TRHDE: variants seen among roughly 807,000 people sequenced by gnomAD.
TRHDE encodes the protein thyrotropin-releasing hormone-degrading ectoenzyme.
Under a neutral mutation model 125.7 loss-of-function variants are expected in TRHDE, and 72 were observed. The observed-to-expected ratio is 0.57, with a 90% CI of 0.47 to 0.70. The LOEUF (loss-of-function observed/expected upper bound fraction) is 0.70, where lower values mean the gene tolerates loss of function less well. Among genes scored for constraint, TRHDE ranks in the 30% least tolerant of loss-of-function variants. The pLI, the probability that TRHDE is intolerant of heterozygous loss-of-function variation, is 0.00. For missense variants in TRHDE, 1,110 were observed against 1,327.1 expected (o/e 0.84, Z 2.54); for synonymous variants, 509 against 509.1 (o/e 1.00, Z 0.00).
At chr12:72,558,117 A>G (rs935190448) in intron 7 of TRHDE, among the ~76,000 whole-genome samples, 3 of 152,140 alleles carry the variant, frequency 2.0e-5, no homozygotes, top group African/African-American at 7.2e-5. Flanking sequence ...ATAGTGGTAA[A>G]CAAGACTGGC....
At chr12:72,469,729 C>A in intron 3 of TRHDE, 29 bp from the exon 4 acceptor site, 1 of 1,607,800 alleles carries the variant, frequency 6.2e-7, no homozygotes. Context: ...TTTGTTAAAG[C>A]CTTTGGAACT....
At chr12:72,529,007 A>G (rs1868407246) in intron 6 of TRHDE, among the ~76,000 whole-genome samples, 1 of 152,076 alleles carries the variant, frequency 6.6e-6, no homozygotes, top group Non-Finnish European at 1.5e-5. Context: ...TCATTGTTTA[A>G]AAGTTACCTC....
At chr12:72,578,742 A>G (rs1470297494) in intron 12 of TRHDE, among the ~76,000 whole-genome samples, 2 of 152,208 alleles carry the variant, frequency 1.3e-5, no homozygotes, top group African/African-American at 4.8e-5. Context: ...TATTAACTTT[A>G]TGCCACGACT....
chr12:72,145,615 T>A (rs2139317181), intron 2 of TRHDE, among the ~76,000 whole-genome samples: 1 of 152,294 alleles, frequency 6.6e-6, no homozygotes, highest in African/African-American at 2.4e-5. Flanking sequence ...TACCATCTTT[T>A]AAAAAAATTG....
intron 15 of TRHDE, among the ~76,000 whole-genome samples, chr12:72,646,774 T>C (rs1315846707): frequency 6.6e-6 from 1 of 151,984 alleles, no homozygotes; most frequent in African/African-American, 2.4e-5. Flanking sequence ...GTCAAACCAC[T>C]AGAAAGATAT....
intron 5 of TRHDE, among the ~76,000 whole-genome samples, chr12:72,473,917 A>G (rs1876766247): frequency 6.6e-6 from 1 of 152,088 alleles, no homozygotes; most frequent in South Asian, 2.1e-4. Context: ...AAGTGGTACT[A>G]TTAAATTAAG....
intron 7 of TRHDE, among the ~76,000 whole-genome samples, chr12:72,551,986 A>G (rs1869699033): frequency 6.6e-6 from 1 of 152,116 alleles, no homozygotes; most frequent in South Asian, 2.1e-4. Context: ...ACAAGAACTG[A>G]GCATGTTTTA....
At chr12:72,426,259 T>C (rs1183061206) in intron 3 of TRHDE, among the ~76,000 whole-genome samples, 1 of 152,154 alleles carries the variant, frequency 6.6e-6, no homozygotes, top group Non-Finnish European at 1.5e-5. Flanking sequence ...AAGATTGTTA[T>C]TGTATTTTAA....
chr12:72,238,572 T>G (rs181700535), intron 2 of TRHDE, among the ~76,000 whole-genome samples: 1 of 150,582 alleles, frequency 6.6e-6, no homozygotes, highest in Non-Finnish European at 1.5e-5. Context: ...GGCCCCGGTG[T>G]ATGATGTTCC....
chr12:72,297,311 A>C (rs1344757933), intron 2 of TRHDE, among the ~76,000 whole-genome samples: 1 of 152,200 alleles, frequency 6.6e-6, no homozygotes, highest in Non-Finnish European at 1.5e-5. Context: ...TAAAAGTAAA[A>C]TAAGAGTAGA....
chr12:72,372,229 C>T (rs192319377), intron 2 of TRHDE, among the ~76,000 whole-genome samples: 3,505 of 151,932 alleles, frequency 0.023, 139 homozygotes, highest in African/African-American at 0.08. Context: ...GCCCACTTTT[C>T]GATGGGGTTG....
chr12:72,320,625 A>G (rs1478067586), intron 2 of TRHDE, among the ~76,000 whole-genome samples: 1 of 151,602 alleles, frequency 6.6e-6, no homozygotes. Flanking sequence ...GTGAAATATA[A>G]AAATAAAAGC....
intron 17 of TRHDE, 29 bp downstream of exon 17, chr12:72,653,185 G>A (rs1189902623): frequency 1.3e-6 from 2 of 1,587,992 alleles, no homozygotes; most frequent in Non-Finnish European, 1.7e-6. Flanking sequence ...ACTTGAATGA[G>A]TAAATTAAAG....
chr12:72,606,293 C>T (rs1471874595), intron 12 of TRHDE, among the ~76,000 whole-genome samples: 6 of 151,890 alleles, frequency 4.0e-5, no homozygotes, highest in Non-Finnish European at 2.9e-5. Context: ...TTGGCAATTA[C>T]ACTACCATTT....
intron 6 of TRHDE, among the ~76,000 whole-genome samples, chr12:72,537,771 G>A (rs1351665326): frequency 6.6e-6 from 1 of 151,902 alleles, no homozygotes; most frequent in African/African-American, 2.4e-5. Context: ...TCCATCACTT[G>A]TTCAATATTT....
chr12:72,095,319 C>T (rs74101984), intron 1 of TRHDE, among the ~76,000 whole-genome samples: 177 of 152,220 alleles, frequency 1.2e-3, no homozygotes, highest in African/African-American at 3.6e-3. Context: ...GAAAAGAGAA[C>T]AATATCCAAT....
At chr12:72,253,439 A>G (rs567756500) in intron 2 of TRHDE, 36 of 152,224 alleles carry the variant, frequency 2.4e-4, no homozygotes, top group African/African-American at 7.9e-4. Flanking sequence ...TGAGAACTGA[A>G]TCTTTGCCTT....
chr12:72,299,074 T>C (rs1880409895), intron 2 of TRHDE, among the ~76,000 whole-genome samples: 1 of 152,178 alleles, frequency 6.6e-6, no homozygotes, highest in Non-Finnish European at 1.5e-5. Flanking sequence ...TTGATGTCAC[T>C]CAGATTCAAA....
chr12:72,465,262 T>C (rs1307710275), intron 3 of TRHDE, among the ~76,000 whole-genome samples: 1 of 152,124 alleles, frequency 6.6e-6, no homozygotes, highest in Non-Finnish European at 1.5e-5. Context: ...AAGCTGTCCA[T>C]ATTTAAAGTA....
Sources: gnomAD v4.1 joint callset for allele counts (sites outside exome capture counted in the v4.1 genomes callset) on GRCh38, gnomAD v4.1.1 for gene constraint, MANE v1.5 for transcripts, NCBI Gene and HGNC (gene_info 2026-07-23, HGNC 2026-07-21) for gene names.